The following TAC4 variants were observed in gnomAD, a reference collection of about 807,000 sequenced individuals.
TAC4 encodes the protein tachykinin precursor 4.
Under a neutral mutation model 17.7 loss-of-function variants are expected in TAC4, and 17 were observed. That is an observed-to-expected ratio of 0.96 (90% CI 0.66 to 1.44). The LOEUF is 1.44. Ranked by LOEUF, TAC4 falls within the 40% of genes most tolerant of loss-of-function variation. TAC4 has a pLI of 0.00. For missense variants in TAC4, 118 were observed against 125.6 expected, an observed-to-expected ratio of 0.94 and a Z score of 0.29; for synonymous variants, 62 against 52.4, an observed-to-expected ratio of 1.18 and a Z score of -0.79.
Position 49,838,451 on chromosome 17 carries a change from T to G in TAC4, c.*191A>C. On this transcript the variant is annotated 3_prime_UTR_variant, in exon 5 of 5. Transcript: ENST00000436235. ...GCTTGCTACGGCGAAGCTGTGCATT[T>G]ATGCAGGACTGCTGCTTGACACTGA... 1 of 693,226 alleles carries G rather than the reference T, an allele frequency of 1.4e-6. No individual in the cohort carries two copies. Among genetic ancestry groups the G allele is most frequent in the East Asian group, 2.7e-5 (1 of 36,584 alleles). 42.9% of individuals were successfully genotyped at this position (693,226 alleles called of 1,614,324 possible).
At chr17:49,846,841 A>G (rs1171484546) in intron 1 of TAC4, 2 of 801,122 alleles carry the variant, frequency 2.5e-6, no homozygotes, top group Admixed American at 7.0e-5. Context: ...CTGTCTCTAG[A>G]CCAGGTACCC....
intron 3 of TAC4, among the ~76,000 whole-genome samples, chr17:49,840,158 C>T (rs556728828): frequency 9.8e-5 from 15 of 152,350 alleles, no homozygotes; most frequent in Admixed American, 3.9e-4. Context: ...CCTTCACAAA[C>T]GCCTGGTGGT....
intron 1 of TAC4, chr17:49,847,342 G>A: frequency 1.8e-6 from 2 of 1,102,912 alleles, no homozygotes; most frequent in Middle Eastern, 2.4e-4. Context: ...AGGCAGGAGT[G>A]GGGGTAGTGC....
rs1598107604 is a variant in TAC4, at chr17:49,847,596, G to A, written c.105+317C>T. Reference sequence around the variant, plus strand: ...TGATACCTTCCCCATGAGGTTGATGGGAGGATTGAGTTAATATTTATAAAG... The same window carrying A: ...TGATACCTTCCCCATGAGGTTGATGAGAGGATTGAGTTAATATTTATAAAG... On this transcript the variant is annotated intron_variant, in intron 1 of 4. Transcript: ENST00000436235. 5 of 362,928 alleles carry A rather than the reference G, an allele frequency of 1.4e-5. No homozygotes were observed. The East Asian group carries it at 2.0e-4, about 15-fold the overall frequency. The allele number at this position is 362,928 out of a possible 1,614,324, so 22.5% of individuals were successfully genotyped here.
intron 1 of TAC4, chr17:49,847,067 A>T (rs1412600899): frequency 7.8e-7 from 1 of 1,290,072 alleles, no homozygotes; most frequent in South Asian, 1.2e-5. Context: ...TGTCCATGTG[A>T]TGGCTCTTCC....
At chr17:49,841,522 A>G in intron 3 of TAC4, 30 bp downstream of exon 3, 1 of 1,561,242 alleles carries the variant, frequency 6.4e-7, no homozygotes, top group East Asian at 2.5e-5. Flanking sequence ...CCTAGGGGGC[A>G]TGTTGAAGGC....
At chr17:49,838,817 T>A in intron 4 of TAC4, 144 bp from the exon 5 acceptor site, 1 of 760,956 alleles carries the variant, frequency 1.3e-6, no homozygotes, top group Non-Finnish European at 2.1e-6. Context: ...GGCAATGGGA[T>A]TACAGGCTCA....
rs1308993644 is a variant in TAC4 at position 49,847,246 on chromosome 17, C to CT, written c.105+666dup. 4 of 1,289,768 alleles carry CT rather than the reference C, an allele frequency of 3.1e-6. No individual in the cohort carries two copies. The Admixed American group carries it at 6.9e-5, about 22-fold the overall frequency. The allele number at this position is 1,289,768 out of a possible 1,614,324, so 79.9% of individuals were successfully genotyped here. On this transcript the variant is annotated intron_variant, in intron 1 of 4. Transcript: ENST00000436235. ...GAGCACTGGCCTCTTATTTACCCGT[C>CT]TTTGTCTCTGGCTTGTTGGTATCTG...
At chr17:49,839,275 C>A (rs541020944) in intron 4 of TAC4, among the ~76,000 whole-genome samples, 3 of 152,112 alleles carry the variant, frequency 2.0e-5, no homozygotes, top group African/African-American at 7.2e-5. Context: ...GCCCACTGCC[C>A]GCTCACTTGA....
intron 2 of TAC4, among the ~76,000 whole-genome samples, chr17:49,843,202 C>A (rs529591518): frequency 6.6e-6 from 1 of 152,338 alleles, no homozygotes; most frequent in East Asian, 1.9e-4. Flanking sequence ...AGTTTTTTCA[C>A]ACCAAGCCAA....
rs536155323 is a variant in TAC4, at chr17:49,848,042, C to A, written c.-25G>T. 6.8e-6 allele frequency: 11 copies of A among 1,612,314 alleles called. No individual in the cohort carries two copies. The highest frequency in any genetic ancestry group is 1.7e-4 in the Middle Eastern group (1 of 6,052). On this transcript the variant is annotated 5_prime_UTR_variant, in exon 1 of 5. Transcript: ENST00000436235. The stretch of plus-strand genomic sequence containing the variant: ...TGGTGAGCCTGCACTGTCCTGGAAT[C>A]TCTGGGAGCCCCTCTCAGCTTGAAG...
At chr17:49,839,396 G>C (rs1471822334) in intron 4 of TAC4, among the ~76,000 whole-genome samples, 3 of 152,204 alleles carry the variant, frequency 2.0e-5, no homozygotes, top group African/African-American at 7.2e-5. Flanking sequence ...ACTGCTTATG[G>C]TGTTATTCCT....
intron 2 of TAC4, among the ~76,000 whole-genome samples, chr17:49,842,070 A>T (rs2074502704): frequency 6.6e-6 from 1 of 150,578 alleles, no homozygotes; most frequent in Non-Finnish European, 1.5e-5. Context: ...CGCCCGGCTA[A>T]TTTTTTTGTA....
chr17:49,843,750 T>A (rs1233557195), intron 2 of TAC4, among the ~76,000 whole-genome samples: 1 of 152,100 alleles, frequency 6.6e-6, no homozygotes, highest in Non-Finnish European at 1.5e-5. Flanking sequence ...CGTGCCACCA[T>A]GTCTGTCTAA....
chr17:49,843,035 T>TG (rs1394464155), intron 2 of TAC4, among the ~76,000 whole-genome samples: 3 of 152,200 alleles, frequency 2.0e-5, no homozygotes, highest in African/African-American at 7.2e-5. Context: ...TCCGAATTCT[T>TG]GCTATTACAA....
At chr17:49,844,618 C>T (rs1254817045) in intron 1 of TAC4, among the ~76,000 whole-genome samples, 1 of 152,100 alleles carries the variant, frequency 6.6e-6, no homozygotes, top group Non-Finnish European at 1.5e-5. Context: ...ATTAGCTGGG[C>T]ATGGTGGTAG....
Position 49,841,568 on chromosome 17 carries a change from C to G in TAC4, c.216G>C (p.Gln72His), listed in dbSNP as rs1567874108. 6.3e-7 allele frequency: 1 copy of G among 1,577,536 alleles called. No individual in the cohort carries two copies. Residue 72 changes from glutamine (Q) to histidine (H), a missense_variant, in exon 3 of 5, where the codon CAG (glutamine) becomes CAC (histidine). Physicochemically the swap from Gln to His is conservative, Grantham distance 24. Transcript: ENST00000436235. ...GKRVGGRPLIQPRRKKAYQLE... is the reference protein window; with the variant it reads ...GKRVGGRPLIHPRRKKAYQLE... ...AATACTTACCTTTTTTTCTCCTTGG[C>G]TGGATCAGAGGTCTTCCTGGGGGAA...
intron 1 of TAC4, chr17:49,846,143 A>C: frequency 7.5e-6 from 9 of 1,192,068 alleles, no homozygotes; most frequent in Non-Finnish European, 9.9e-6. Context: ...TCACTCCGAC[A>C]GGACTCCTGC....
chr17:49,846,183 A>T, intron 1 of TAC4: 1 of 1,288,106 alleles, frequency 7.8e-7, no homozygotes, highest in Non-Finnish European at 1.0e-6. Context: ...TATCCATTTA[A>T]CCCAAATCCC....
Sources: allele counts gnomAD v4.1 joint callset (sites outside exome capture counted in the v4.1 genomes callset), GRCh38; gene constraint gnomAD v4.1.1; transcripts MANE v1.5; gene names NCBI Gene and HGNC (gene_info 2026-07-23, HGNC 2026-07-21).